ELAC2: variants seen among roughly 807,000 people sequenced by gnomAD.
ELAC2 encodes the protein zinc phosphodiesterase ELAC protein 2.
In ELAC2, 92 loss-of-function variants were observed where a neutral mutation model predicts 105.2. The observed-to-expected ratio is 0.87, with a 90% confidence interval of 0.74 to 1.04. The LOEUF (loss-of-function observed/expected upper bound fraction) is 1.04. ELAC2 is among the 50% of genes least tolerant of loss of function. ELAC2 has a pLI of 0.00. For missense variants in ELAC2, 1,099 were observed against 1,071.7 expected, an observed-to-expected ratio of 1.03 and a Z score of -0.36; for synonymous variants, 468 against 409.1, an observed-to-expected ratio of 1.14 and a Z score of -1.74.
rs1368170599 is a variant in ELAC2, at chr17:12,996,558, C to A, written c.1648G>T (p.Asp550Tyr). The change falls in exon 17 of 24, where the codon GAT becomes TAT. Residue 550 changes from aspartate (D) to tyrosine (Y), a missense_variant. Physicochemically the swap from Asp to Tyr is radical, Grantham distance 160 (BLOSUM62 -3). Transcript: ENST00000338034. ...AGCCCAACACTCACCGTGTGGTGATCTGCGTGCAGGTGGGACACAAACACA... is the reference window on the plus strand; with the variant it reads ...AGCCCAACACTCACCGTGTGGTGATATGCGTGCAGGTGGGACACAAACACA... The part of the protein sequence containing the change: ...AAVFVSHLHA[D>Y]HHTGLPSILL... The A allele has an allele frequency of 6.2e-7, 1 of 1,613,894 alleles. No individual in the cohort carries two copies. Among genetic ancestry groups the A allele is most frequent in the East Asian group, 2.2e-5 (1 of 44,886 alleles).
chr17:13,016,478 C>G (rs1431886886), intron 3 of ELAC2, among the ~76,000 whole-genome samples: 6 of 152,118 alleles, frequency 3.9e-5, no homozygotes. Flanking sequence ...CTGCTGCTGA[C>G]TGGGCTGGTA....
chr17:13,000,349 A>G (rs575025761), intron 14 of ELAC2, 75 bp from the exon 15 acceptor site: 1 of 1,341,288 alleles, frequency 7.5e-7, no homozygotes, highest in Non-Finnish European at 1.1e-6. Context: ...GGGGATGTCC[A>G]GAATAAATTC....
At chr17:13,008,043 A>C (rs1395030418) in intron 8 of ELAC2, among the ~76,000 whole-genome samples, 3 of 152,076 alleles carry the variant, frequency 2.0e-5, no homozygotes, top group Non-Finnish European at 2.9e-5. Flanking sequence ...TCTACTAACA[A>C]TACAAAAATT....
chr17:13,017,353 C>A (rs1032389207), intron 1 of ELAC2: 13 of 629,178 alleles, frequency 2.1e-5, no homozygotes, highest in Non-Finnish European at 3.6e-5. Context: ...TGAGTCCTTT[C>A]TCCACCACCG....
intron 15 of ELAC2, 26 bp from the exon 16 acceptor site, chr17:12,998,534 T>C (rs1352012287): frequency 6.2e-7 from 1 of 1,602,420 alleles, no homozygotes; most frequent in Non-Finnish European, 8.6e-7. Context: ...TGTGAAACAA[T>C]CCATTCCTTT....
chr17:12,994,899 C>A lies in ELAC2; in HGVS notation c.1909-15G>T, dbSNP rs1241285306. ...CAGGTCTGAAACTGAAAGGGTGGGGCTGGAGGGCTCTGCAGCTCTGCTCCC... is the reference window on the plus strand; with the variant it reads ...CAGGTCTGAAACTGAAAGGGTGGGGATGGAGGGCTCTGCAGCTCTGCTCCC... On this transcript the variant is annotated splice_polypyrimidine_tract_variant and intron_variant, in intron 20 of 23. Coordinates refer to ENST00000338034, the MANE Select transcript of ELAC2 (RefSeq NM_018127.7). 2 of 1,614,102 alleles carry A rather than the reference C, an allele frequency of 1.2e-6. No homozygotes were observed. Among genetic ancestry groups the A allele is most frequent in the Non-Finnish European group, 1.7e-6 (2 of 1,180,038 alleles).
intron 3 of ELAC2, among the ~76,000 whole-genome samples, chr17:13,016,200 C>T (rs1363656169): frequency 6.6e-6 from 1 of 152,216 alleles, no homozygotes; most frequent in East Asian, 1.9e-4. Flanking sequence ...ACCAAGCCCA[C>T]ACAATTTGGC....
chr17:12,998,875 G>A (rs1231819289), intron 15 of ELAC2, among the ~76,000 whole-genome samples: 1 of 152,182 alleles, frequency 6.6e-6, no homozygotes, highest in African/African-American at 2.4e-5. Flanking sequence ...GCCACGTTAT[G>A]ATGCAGCATG....
At chr17:13,005,500 G>GAA (rs1598237412) in intron 10 of ELAC2, among the ~76,000 whole-genome samples, 1 of 152,146 alleles carries the variant, frequency 6.6e-6, no homozygotes, top group East Asian at 1.9e-4. Flanking sequence ...AAGTACCAAG[G>GAA]AAAGCATGCA....
chr17:13,005,910 C>T lies in ELAC2; in HGVS notation c.797+11G>A, dbSNP rs761748475. On this transcript the variant is annotated intron_variant, in intron 9 of 23. Coordinates refer to ENST00000338034, the MANE Select transcript of ELAC2 (RefSeq NM_018127.7). ...CAGTGAGTCCCCAGAAGCCTTACCC[C>T]CCACACTCACACTGGGAGGCCCATC... 6.2e-7 allele frequency: 1 copy of T among 1,614,158 alleles called. No homozygotes were observed. The highest frequency in any genetic ancestry group is 8.5e-7 in the Non-Finnish European group (1 of 1,180,028).
rs777588472 is a variant in ELAC2, at chr17:12,992,772, G to A, written c.*46C>T. ...GGAGGGCAGATACGGGTGCGTGCGT[G>A]GGGCAGAAGACACACAGCCTTCTGA... On this transcript the variant is annotated 3_prime_UTR_variant, in exon 24 of 24. Coordinates refer to ENST00000338034, the MANE Select transcript of ELAC2 (RefSeq NM_018127.7). 1.9e-6 allele frequency: 3 copies of A among 1,605,522 alleles called. No homozygotes were observed. The highest frequency in any genetic ancestry group is 3.3e-5 in the Admixed American group (2 of 59,982).
intron 23 of ELAC2, 63 bp downstream of exon 23, chr17:12,993,624 A>C: frequency 6.2e-7 from 1 of 1,609,854 alleles, no homozygotes; most frequent in Non-Finnish European, 8.5e-7. Flanking sequence ...CGTCCTACTC[A>C]GTGTGTAGAG....
Position 13,015,797 on chromosome 17 carries a change from T to C in ELAC2, c.403A>G (p.Lys135Glu), listed in dbSNP as rs2041685429. The change falls in exon 4 of 24, where the codon AAG becomes GAG. Residue 135 changes from lysine (K) to glutamate (E), a missense_variant. Physicochemically the swap from Lys to Glu is moderately conservative, Grantham distance 56. Coordinates refer to ENST00000338034, the MANE Select transcript of ELAC2 (RefSeq NM_018127.7). ...ILTLKETGLP[K>E]CVLSGPPQLE... The stretch of plus-strand genomic sequence containing the variant: ...TGTGGAGGTCCAGAAAGTACACACT[T>C]TGGAAGCCCGGTTTCCTTTAAAGTA... 6.2e-7 allele frequency: 1 copy of C among 1,613,990 alleles called. No individual in the cohort carries two copies. The highest frequency in any genetic ancestry group is 8.5e-7 in the Non-Finnish European group (1 of 1,179,962).
chr17:13,017,892 C>T lies in ELAC2; in HGVS notation c.56G>A (p.Gly19Glu). 6.5e-7 allele frequency: 1 copy of T among 1,545,594 alleles called. No individual in the cohort carries two copies. Among genetic ancestry groups the T allele is most frequent in the Non-Finnish European group, 8.7e-7 (1 of 1,147,928 alleles). Residue 19 changes from glycine to glutamate, a missense_variant, in exon 1 of 24, where the codon GGA (glycine) becomes GAA (glutamate). Coordinates refer to ENST00000338034, the MANE Select transcript of ELAC2 (RefSeq NM_018127.7). ...RSAAGRTMSQ[G>E]RTISQAPARR... ...GGCGGGTGCCTGCGATATGGTGCGT[C>T]CCTGCGACATGGTGCGTCCGGCCGC...
intron 8 of ELAC2, among the ~76,000 whole-genome samples, chr17:13,007,377 A>G (rs2143636645): frequency 6.6e-6 from 1 of 152,286 alleles, no homozygotes; most frequent in Non-Finnish European, 1.5e-5. Flanking sequence ...TCAAATTTGG[A>G]TCTGAAATCC....
intron 5 of ELAC2, 122 bp from the exon 6 acceptor site, chr17:13,013,397 C>T (rs143339846): frequency 1.6e-5 from 17 of 1,038,092 alleles, no homozygotes; most frequent in South Asian, 8.1e-5. Flanking sequence ...GAATCTGACA[C>T]GAAAACCAGA....
In ELAC2 at chr17:13,016,919, G is replaced by A. The variant is rs748205884; in HGVS notation, c.310C>T (p.Arg104Cys). 6.8e-6 allele frequency: 11 copies of A among 1,613,924 alleles called. No individual in the cohort carries two copies. Among genetic ancestry groups the A allele is most frequent in the African/African-American group, 1.3e-5 (1 of 74,864 alleles). ...LMQEHKLKVA[R>C]LDNIFLTRMH... ...CGTGTCAGGAATATGTTGTCCAGGC[G>A]AGCAACCTTTAACCTAAGAATGAAA... Residue 104 changes from arginine (R) to cysteine (C), a missense_variant, in exon 3 of 24, where the codon CGC becomes TGC. Coordinates refer to ENST00000338034, the MANE Select transcript of ELAC2 (RefSeq NM_018127.7).
At chr17:13,001,056 G>A (rs555578952) in intron 14 of ELAC2, among the ~76,000 whole-genome samples, 4 of 152,166 alleles carry the variant, frequency 2.6e-5, no homozygotes, top group Admixed American at 6.5e-5. Context: ...CTGTGGGCCC[G>A]AGTCTTGCTA....
chr17:13,010,724 C>T, intron 7 of ELAC2, 53 bp from the exon 8 acceptor site: 1 of 1,511,036 alleles, frequency 6.6e-7, no homozygotes. Flanking sequence ...GCTGTGAAGA[C>T]ATCACAGACT....
Sources: gnomAD v4.1 joint callset for allele counts (sites outside exome capture counted in the v4.1 genomes callset) on GRCh38, gnomAD v4.1.1 for gene constraint, MANE v1.5 for transcripts, NCBI Gene and HGNC (gene_info 2026-07-23, HGNC 2026-07-21) for gene names.